PTPRD: variants seen among roughly 807,000 people sequenced by gnomAD.
The protein encoded by PTPRD is protein tyrosine phosphatase receptor type D, also known as receptor-type tyrosine-protein phosphatase delta.
Under a neutral mutation model 214.5 loss-of-function variants are expected in PTPRD, and 34 were observed. The ratio of observed to expected loss-of-function variants is 0.16; its 90% CI spans 0.12 to 0.21. PTPRD has a LOEUF of 0.21. Among genes scored for constraint, PTPRD ranks in the 10% least tolerant of loss-of-function variants. The pLI is 1.00. For missense variants in PTPRD, 2,545 were observed against 2,398.7 expected (o/e 1.06, Z -1.27); for synonymous variants, 1,128 against 845.7 (o/e 1.33, Z -5.79).
chr9:8,627,597 C>T (rs1227746412), intron 14 of PTPRD, among the ~76,000 whole-genome samples: 2 of 151,806 alleles, frequency 1.3e-5, no homozygotes. Context: ...TTTTTCTGAG[C>T]CCTTTTTAGA....
chr9:10,040,054 C>G (rs1204619045), intron 3 of PTPRD, among the ~76,000 whole-genome samples: 1 of 151,876 alleles, frequency 6.6e-6, no homozygotes, highest in Non-Finnish European at 1.5e-5. Context: ...GGCTTTGCTG[C>G]AAAGTGAGGA....
intron 7 of PTPRD, among the ~76,000 whole-genome samples, chr9:9,602,926 T>A (rs2093884090): frequency 1.3e-5 from 2 of 152,126 alleles, no homozygotes; most frequent in South Asian, 2.1e-4. Context: ...CAACTTATGA[T>A]CCTGGATAAA....
At chr9:9,593,737 A>G (rs2093003818) in intron 7 of PTPRD, among the ~76,000 whole-genome samples, 1 of 152,046 alleles carries the variant, frequency 6.6e-6, no homozygotes, top group Admixed American at 6.6e-5. Flanking sequence ...AAGGTCACTG[A>G]GGAAATGCAG....
At chr9:10,523,940 A>C (rs942138359) in intron 2 of PTPRD, among the ~76,000 whole-genome samples, 1 of 151,964 alleles carries the variant, frequency 6.6e-6, no homozygotes, top group South Asian at 2.1e-4. Context: ...ATGATGGCTT[A>C]AACAACCGAA....
At chr9:10,318,226 G>A (rs925539785) in intron 3 of PTPRD, among the ~76,000 whole-genome samples, 2 of 151,826 alleles carry the variant, frequency 1.3e-5, no homozygotes, top group Non-Finnish European at 2.9e-5. Flanking sequence ...CAACCCCAGT[G>A]GTACAATAAT....
intron 9 of PTPRD, among the ~76,000 whole-genome samples, chr9:9,303,325 A>C (rs909140415): frequency 6.6e-6 from 1 of 152,028 alleles, no homozygotes; most frequent in Non-Finnish European, 1.5e-5. Flanking sequence ...AAAGACATGA[A>C]ATTTTAAAAA....
At chr9:8,739,318 T>G (rs1406218244) in intron 11 of PTPRD, among the ~76,000 whole-genome samples, 1 of 152,240 alleles carries the variant, frequency 6.6e-6, no homozygotes, top group Non-Finnish European at 1.5e-5. Flanking sequence ...AAGGGAGCCA[T>G]CTAAATATTT....
At chr9:10,303,609 C>A (rs1245176249) in intron 3 of PTPRD, among the ~76,000 whole-genome samples, 1 of 152,126 alleles carries the variant, frequency 6.6e-6, no homozygotes, top group Non-Finnish European at 1.5e-5. Context: ...GTAATACAAA[C>A]TACCATCAGA....
At chr9:10,137,815 G>A (rs1024758989) in intron 3 of PTPRD, among the ~76,000 whole-genome samples, 6 of 151,374 alleles carry the variant, frequency 4.0e-5, no homozygotes, top group Admixed American at 2.6e-4. Flanking sequence ...CAAAATTAAG[G>A]GAGAAATTGT....
chr9:8,560,091 T>C (rs2085562357), intron 14 of PTPRD, among the ~76,000 whole-genome samples: 1 of 152,220 alleles, frequency 6.6e-6, no homozygotes, highest in Admixed American at 6.5e-5. Flanking sequence ...ATTTTACTTC[T>C]TTTCTTAGTG....
chr9:9,126,048 G>C (rs867571723), intron 10 of PTPRD, among the ~76,000 whole-genome samples: 11 of 152,272 alleles, frequency 7.2e-5, no homozygotes, highest in Middle Eastern at 3.4e-3. Flanking sequence ...AACCAGGGAA[G>C]AATAGTAAGA....
At chr9:8,783,235 T>G (rs769932943) in intron 11 of PTPRD, among the ~76,000 whole-genome samples, 2 of 152,184 alleles carry the variant, frequency 1.3e-5, no homozygotes, top group South Asian at 4.1e-4. Context: ...TATAAAAAAG[T>G]TGTACATTGA....
chr9:9,143,937 C>CTCACAA (rs2099864327), intron 10 of PTPRD, among the ~76,000 whole-genome samples: 1 of 152,196 alleles, frequency 6.6e-6, no homozygotes, highest in African/African-American at 2.4e-5. Context: ...CTCATGTGAT[C>CTCACAA]ATTCATCCAG....
intron 3 of PTPRD, among the ~76,000 whole-genome samples, chr9:10,332,596 T>G (rs2096771747): frequency 6.6e-6 from 1 of 151,930 alleles, no homozygotes; most frequent in Non-Finnish European, 1.5e-5. Flanking sequence ...GCATATAACG[T>G]GTACTACCTA....
chr9:9,515,346 C>T (rs2154249460), intron 8 of PTPRD, among the ~76,000 whole-genome samples: 1 of 152,190 alleles, frequency 6.6e-6, no homozygotes, highest in African/African-American at 2.4e-5. Flanking sequence ...AAACACCTGG[C>T]TATATATCTA....
chr9:9,816,438 G>C (rs891313081), intron 5 of PTPRD, among the ~76,000 whole-genome samples: 1 of 151,868 alleles, frequency 6.6e-6, no homozygotes. Flanking sequence ...CATCATAATT[G>C]CTAAAGTGCT....
intron 11 of PTPRD, among the ~76,000 whole-genome samples, chr9:8,843,423 C>A (rs572027416): frequency 1.3e-5 from 2 of 152,102 alleles, no homozygotes; most frequent in Non-Finnish European, 2.9e-5. Context: ...ACATCTGTAA[C>A]CTTGAAAAGA....
At chr9:9,885,982 A>T (rs1427767188) in intron 5 of PTPRD, among the ~76,000 whole-genome samples, 1 of 149,766 alleles carries the variant, frequency 6.7e-6, no homozygotes, top group Non-Finnish European at 1.5e-5. Context: ...AACCCCACAT[A>T]TTAAAAAAAA....
intron 10 of PTPRD, among the ~76,000 whole-genome samples, chr9:9,062,763 A>G (rs1590847797): frequency 6.6e-6 from 1 of 152,318 alleles, no homozygotes; most frequent in East Asian, 1.9e-4. Flanking sequence ...GCTTATATCT[A>G]TCATTTGGTT....
Sources: allele counts gnomAD v4.1 joint callset (sites outside exome capture counted in the v4.1 genomes callset), GRCh38; gene constraint gnomAD v4.1.1; transcripts MANE v1.5; gene names NCBI Gene and HGNC (gene_info 2026-07-23, HGNC 2026-07-21).